The following SLC28A3 variants were observed in gnomAD, a reference collection of about 807,000 sequenced individuals.
SLC28A3 encodes the protein solute carrier family 28 member 3.
A neutral mutation model predicts 84.2 loss-of-function variants in SLC28A3; 68 were observed. The ratio of observed to expected loss-of-function variants is 0.81; its 90% CI spans 0.66 to 0.99. The LOEUF (loss-of-function observed/expected upper bound fraction) is 0.99, where lower values mean the gene tolerates loss of function less well. Among genes scored for constraint, SLC28A3 ranks in the 50% least tolerant of loss-of-function variants. The pLI, the probability that SLC28A3 is intolerant of heterozygous loss-of-function variation, is 0.00. For missense variants in SLC28A3, 712 were observed against 841.5 expected (o/e 0.85, Z 1.90); for synonymous variants, 267 against 303.6 (o/e 0.88, Z 1.25).
chr9:84,324,606 T>C (rs1193475397), intron 1 of SLC28A3, among the ~76,000 whole-genome samples: 1 of 150,800 alleles, frequency 6.6e-6, no homozygotes, highest in South Asian at 2.1e-4. Flanking sequence ...ATCACACCAC[T>C]GCACTCCACA....
chr9:84,340,893 C>A (rs10435946), upstream of SLC28A3, among the ~76,000 whole-genome samples: 34,561 of 151,830 alleles, frequency 0.23, 5,282 homozygotes, highest in African/African-American at 0.43. Flanking sequence ...CCTTTATCCC[C>A]ATTTTTGGCA....
intron 1 of SLC28A3, among the ~76,000 whole-genome samples, chr9:84,333,289 C>A (rs1826854463): frequency 6.6e-6 from 1 of 152,162 alleles, no homozygotes; most frequent in Non-Finnish European, 1.5e-5. Flanking sequence ...GTTTTTATAG[C>A]TCACCAGGAA....
Position 84,285,430 on chromosome 9 carries a change from A to G in SLC28A3, c.1562T>C (p.Val521Ala). 3.1e-6 allele frequency: 5 copies of G among 1,614,204 alleles called. No individual in the cohort carries two copies. Among genetic ancestry groups the G allele is most frequent in the Non-Finnish European group, 4.2e-6 (5 of 1,180,018 alleles). Residue 521 changes from valine to alanine, a missense_variant, in exon 14 of 18, where the codon GTG becomes GCG. Physicochemically the swap from Val to Ala is moderately conservative, Grantham distance 64. Transcript: ENST00000376238. ...IGYKTFFNEF[V>A]AYEHLSKWIH... is the part of the protein sequence containing the mutation. The stretch of plus-strand genomic sequence containing the variant: ...CCATTTTGAGAGGTGCTCATAAGCC[A>G]CAAATTCATTGAAGAAGGTCTTATA...
intron 14 of SLC28A3, among the ~76,000 whole-genome samples, chr9:84,281,674 A>G (rs1210799745): frequency 4.6e-5 from 7 of 152,260 alleles, no homozygotes; most frequent in African/African-American, 1.7e-4. Flanking sequence ...ATAAATATAT[A>G]TGGCAGCTTT....
chr9:84,319,266 A>T (rs915185010), intron 1 of SLC28A3, among the ~76,000 whole-genome samples: 1 of 152,214 alleles, frequency 6.6e-6, no homozygotes, highest in African/African-American at 2.4e-5. Flanking sequence ...CATTAACCAT[A>T]TCAAGAATAA....
At chr9:84,327,925 C>CAAAAAA (rs60624658) in intron 1 of SLC28A3, among the ~76,000 whole-genome samples, 1 of 107,340 alleles carries the variant, frequency 9.3e-6, no homozygotes, top group Non-Finnish European at 1.8e-5. Context: ...GACTCCATTT[C>CAAAAAA]AAAAAAAAAA....
intron 15 of SLC28A3, 33 bp from the exon 16 acceptor site, chr9:84,280,106 A>G (rs370779625): frequency 1.7e-4 from 273 of 1,596,850 alleles, no homozygotes; most frequent in Non-Finnish European, 2.2e-4. Flanking sequence ...TGTGAGATCA[A>G]TGTTGAAGTA....
At position 84,336,545 on chromosome 9, in the gene SLC28A3, G is replaced by A. The variant is rs143640844; in HGVS notation, c.60+4029C>T. 4.5e-3 allele frequency among the ~76,000 whole-genome samples: 686 copies of A among 152,046 alleles called. 3 individuals are homozygous for A. Among genetic ancestry groups the A allele is most frequent in the African/African-American group, 0.016 (656 of 41,472 alleles). On this transcript the variant is annotated intron_variant, in intron 1 of 17. Coordinates refer to ENST00000376238, the MANE Select transcript of SLC28A3 (RefSeq NM_001199633.2). ...ACAAAGACTAGCCAAGTGTGGTGGC[G>A]CATGTCTGTAGTCCTAGCTACTCAG...
Position 84,290,271 on chromosome 9 carries a change from A to G in SLC28A3, c.1032T>C (p.Ser344=). 6.2e-7 allele frequency: 1 copy of G among 1,613,888 alleles called. No homozygotes were observed. Among genetic ancestry groups the G allele is most frequent in the Non-Finnish European group, 8.5e-7 (1 of 1,179,860 alleles). Residue 344 remains serine, a synonymous_variant, in exon 11 of 18, where the codon TCT becomes TCC. Transcript: ENST00000376238. Reference sequence around the variant, plus strand: ...GTAAATATGGTCGGACCAGCAGTGGAGACTCCGTCTGGAGACAAAGAAGGG... The same window carrying G: ...GTAAATATGGTCGGACCAGCAGTGGGGACTCCGTCTGGAGACAAAGAAGGG... ...SGNIFVGQTE[S]PLLVRPYLPY... is the part of the protein sequence containing the mutation.
chr9:84,344,137 G>A (rs1027990510), upstream of SLC28A3, among the ~76,000 whole-genome samples: 1 of 151,168 alleles, frequency 6.6e-6, no homozygotes, highest in Non-Finnish European at 1.5e-5. Flanking sequence ...TATGATCTAA[G>A]GGGTCTGGGG....
At chr9:84,279,172 C>CA (rs11309306) in intron 17 of SLC28A3, 93 bp downstream of exon 17, 199,234 of 939,472 alleles carry the variant, frequency 0.21, 1,752 homozygotes, top group Non-Finnish European at 0.22. Context: ...GACTCCGTCT[C>CA]AAAAAAAAAA....
chr9:84,344,370 G>A (rs1189443337), upstream of SLC28A3, among the ~76,000 whole-genome samples: 1 of 151,758 alleles, frequency 6.6e-6, no homozygotes, highest in Admixed American at 6.6e-5. Flanking sequence ...TACATTTTTA[G>A]TAGAAACAGA....
intron 2 of SLC28A3, among the ~76,000 whole-genome samples, chr9:84,312,529 G>C (rs1182095831): frequency 6.7e-6 from 1 of 149,248 alleles, no homozygotes; most frequent in Admixed American, 6.8e-5. Context: ...ACACTAGTGG[G>C]CACCCCAAAT....
upstream of SLC28A3, among the ~76,000 whole-genome samples, chr9:84,340,979 T>G (rs1219973777): frequency 6.6e-6 from 1 of 151,454 alleles, no homozygotes; most frequent in African/African-American, 2.4e-5. Context: ...TCTTTCTTTC[T>G]TTCTTTTTTT....
chr9:84,288,237 G>A, intron 11 of SLC28A3, 59 bp from the exon 12 acceptor site: 2 of 1,608,770 alleles, frequency 1.2e-6, no homozygotes, highest in East Asian at 2.2e-5. Context: ...GTGTTCAGAG[G>A]AAGGGTCCAA....
chr9:84,354,688 A>G, the SLC28A3 span, among the ~76,000 whole-genome samples: 1 of 152,232 alleles, frequency 6.6e-6, no homozygotes, highest in South Asian at 2.1e-4. Context: ...TCTCTACTAA[A>G]AATACAAAAA....
At chr9:84,284,559 G>A (rs1824900447) in intron 14 of SLC28A3, among the ~76,000 whole-genome samples, 1 of 152,156 alleles carries the variant, frequency 6.6e-6, no homozygotes, top group Non-Finnish European at 1.5e-5. Context: ...ATTCCAAATG[G>A]ATTGTTTCAA....
chr9:84,335,512 C>G (rs1826943596), intron 1 of SLC28A3, among the ~76,000 whole-genome samples: 2 of 152,210 alleles, frequency 1.3e-5, no homozygotes, highest in African/African-American at 4.8e-5. Flanking sequence ...TGTGCCACTG[C>G]ACTTCAGCGT....
At chr9:84,351,576 C>T in the SLC28A3 span, among the ~76,000 whole-genome samples, 1 of 151,980 alleles carries the variant, frequency 6.6e-6, no homozygotes, top group East Asian at 1.9e-4. Flanking sequence ...AGAAGATCAC[C>T]TGAGCCCCAG....
Sources: allele counts gnomAD v4.1 joint callset (sites outside exome capture counted in the v4.1 genomes callset), GRCh38; gene constraint gnomAD v4.1.1; transcripts MANE v1.5; gene names NCBI Gene and HGNC (gene_info 2026-07-23, HGNC 2026-07-21).